The following CYSLTR2 variants were observed in gnomAD, a reference collection of about 807,000 sequenced individuals.
The protein encoded by CYSLTR2 is G-protein coupled receptor GPCR21.
For missense variants in CYSLTR2, 398 were observed against 411.9 expected (o/e 0.97, Z 0.29); for synonymous variants, 179 against 160.8 (o/e 1.11, Z -0.86).
chr13:48,674,307 T>C (rs1953536020), intron 1 of CYSLTR2, among the ~76,000 whole-genome samples: 1 of 152,108 alleles, frequency 6.6e-6, no homozygotes, highest in African/African-American at 2.4e-5. Flanking sequence ...ATTTTGAGGC[T>C]TTGTTTGTTC....
rs201542754 is a variant in CYSLTR2, at chr13:48,707,447, C to T, written c.630C>T (p.Cys210=). 36 of 1,613,972 alleles carry T rather than the reference C, an allele frequency of 2.2e-5. No homozygotes were observed. In the East Asian group the frequency reaches 7.1e-4, roughly 32 times the overall value. ...TMNYIALVVG[C]LLPFFTLSIC... ...ACTATATTGCCTTGGTGGTGGGCTG[C>T]CTGCTGCCATTTTTCACACTCAGCA... The change falls in exon 5 of 5, where the codon TGC becomes TGT. Residue 210 remains cysteine (C), a synonymous_variant. Coordinates refer to ENST00000682523, the MANE Select transcript of CYSLTR2 (RefSeq NM_001308476.3).
At chr13:48,673,261 A>G (rs1271578061) in intron 1 of CYSLTR2, among the ~76,000 whole-genome samples, 1 of 152,076 alleles carries the variant, frequency 6.6e-6, no homozygotes, top group Admixed American at 6.6e-5. Context: ...TAGGCCTCTA[A>G]GAACTTGCTT....
At chr13:48,698,136 G>A (rs1486112258) in intron 4 of CYSLTR2, among the ~76,000 whole-genome samples, 1 of 152,132 alleles carries the variant, frequency 6.6e-6, no homozygotes, top group Non-Finnish European at 1.5e-5. Flanking sequence ...ACCTAGCGAG[G>A]CAGGCCAACA....
chr13:48,661,386 C>T (rs1953125446), intron 1 of CYSLTR2, among the ~76,000 whole-genome samples: 1 of 151,654 alleles, frequency 6.6e-6, no homozygotes. Context: ...TTCCCTGCAG[C>T]TGAGAGCAAC....
At chr13:48,664,414 T>G (rs542962619) in intron 1 of CYSLTR2, among the ~76,000 whole-genome samples, 15 of 152,044 alleles carry the variant, frequency 9.9e-5, no homozygotes, top group Non-Finnish European at 2.1e-4. Flanking sequence ...CCGATATGAA[T>G]TCTTCTTTAA....
intron 1 of CYSLTR2, among the ~76,000 whole-genome samples, chr13:48,669,067 CAT>C (rs972384549): frequency 3.9e-5 from 6 of 152,122 alleles, no homozygotes; most frequent in Admixed American, 1.3e-4. Context: ...CTGCAATAAA[CAT>C]GTGTGTGAAT....
chr13:48,658,532 A>C (rs1953052330), intron 1 of CYSLTR2, among the ~76,000 whole-genome samples: 1 of 152,214 alleles, frequency 6.6e-6, no homozygotes, highest in African/African-American at 2.4e-5. Context: ...ATGGGCAAAC[A>C]GTCTGGTGGG....
intron 1 of CYSLTR2, among the ~76,000 whole-genome samples, chr13:48,675,107 A>G (rs1953557515): frequency 6.6e-6 from 1 of 152,004 alleles, no homozygotes; most frequent in Non-Finnish European, 1.5e-5. Context: ...GGGTTTAAGG[A>G]CCCATGGGGT....
At chr13:48,692,121 G>A (rs1260374094) in intron 2 of CYSLTR2, among the ~76,000 whole-genome samples, 1 of 151,972 alleles carries the variant, frequency 6.6e-6, no homozygotes, top group Non-Finnish European at 1.5e-5. Context: ...AAGAATAGTT[G>A]TTCCAGGAGA....
chr13:48,674,318 C>T (rs1953536396), intron 1 of CYSLTR2, among the ~76,000 whole-genome samples: 1 of 152,092 alleles, frequency 6.6e-6, no homozygotes, highest in Admixed American at 6.5e-5. Flanking sequence ...TTGTTTGTTC[C>T]TTTTCATTAT....
chr13:48,691,809 A>G (rs2138942835), intron 2 of CYSLTR2, among the ~76,000 whole-genome samples: 1 of 152,200 alleles, frequency 6.6e-6, no homozygotes, highest in South Asian at 2.1e-4. Context: ...TTAATCCTTG[A>G]AAGATATTTA....
intron 1 of CYSLTR2, among the ~76,000 whole-genome samples, chr13:48,690,730 C>T (rs112920000): frequency 4.6e-5 from 7 of 152,104 alleles, no homozygotes; most frequent in African/African-American, 7.2e-5. Flanking sequence ...TTTGTTGTGT[C>T]TCTGTCAGGT....
rs1202557640 is a variant in CYSLTR2 at position 48,711,131 on chromosome 13, G to A, written c.*3273G>A. ...AAGCTGGGGTGGGAGGATAGGGTGG[G>A]GACTTATTTTACGAACTGTGTAATT... On this transcript the variant is annotated 3_prime_UTR_variant, in exon 5 of 5. Transcript: ENST00000682523. The A allele has an allele frequency of 6.6e-6, 1 of 151,812 alleles. No homozygotes were observed. Among genetic ancestry groups the A allele is most frequent in the Non-Finnish European group, 1.5e-5 (1 of 67,976 alleles). The allele number at this position is 151,812 out of a possible 1,614,324, so 9.4% of individuals were successfully genotyped here. A position where few individuals can be genotyped will look rare whatever the true frequency, so the allele number is the denominator to read the frequency against.
chr13:48,703,659 C>G (rs796504314), intron 4 of CYSLTR2, among the ~76,000 whole-genome samples: 26 of 152,252 alleles, frequency 1.7e-4, no homozygotes, highest in Admixed American at 5.9e-4. Context: ...CACCTACATT[C>G]ACAGGGGATA....
chr13:48,681,347 C>T (rs1390791087), intron 1 of CYSLTR2, among the ~76,000 whole-genome samples: 1 of 152,148 alleles, frequency 6.6e-6, no homozygotes, highest in Non-Finnish European at 1.5e-5. Flanking sequence ...CTTGTCTTGG[C>T]GTTCTTGGTC....
At chr13:48,655,876 C>T (rs1229671338) in intron 1 of CYSLTR2, among the ~76,000 whole-genome samples, 1 of 152,108 alleles carries the variant, frequency 6.6e-6, no homozygotes, top group African/African-American at 2.4e-5. Flanking sequence ...TAAATAATAG[C>T]TATTGTGGGA....
At chr13:48,705,010 A>G (rs1254504530) in intron 4 of CYSLTR2, among the ~76,000 whole-genome samples, 1 of 152,018 alleles carries the variant, frequency 6.6e-6, no homozygotes, top group Non-Finnish European at 1.5e-5. Context: ...GTTTTTGTCT[A>G]TTTGCTTCAT....
intron 1 of CYSLTR2, among the ~76,000 whole-genome samples, chr13:48,666,202 T>A (rs1415933304): frequency 2.0e-5 from 3 of 152,142 alleles, no homozygotes. Context: ...TTTTTTCTTT[T>A]GGTATGTTGA....
chr13:48,675,485 C>T (rs1420977572), intron 1 of CYSLTR2, among the ~76,000 whole-genome samples: 1 of 152,144 alleles, frequency 6.6e-6, no homozygotes, highest in Non-Finnish European at 1.5e-5. Context: ...GTGGACACCC[C>T]TCCCCCATCA....
Sources: allele counts gnomAD v4.1 joint callset (sites outside exome capture counted in the v4.1 genomes callset), GRCh38; gene constraint gnomAD v4.1.1; transcripts MANE v1.5; gene names NCBI Gene and HGNC (gene_info 2026-07-23, HGNC 2026-07-21).